TMEM156: variants seen among roughly 807,000 people sequenced by gnomAD.
The protein encoded by TMEM156 is transmembrane protein 156.
TMEM156 carries 28 observed loss-of-function variants against 30.5 expected under a neutral mutation model. The ratio of observed to expected loss-of-function variants is 0.92; its 90% CI spans 0.68 to 1.26. The LOEUF (loss-of-function observed/expected upper bound fraction) is 1.26, where lower values mean the gene tolerates loss of function less well. TMEM156 is among the 50% of genes most tolerant of loss of function. The pLI is 0.00. For missense variants in TMEM156, 351 were observed against 340.6 expected (o/e 1.03, Z -0.24); for synonymous variants, 137 against 119.9 (o/e 1.14, Z -0.93).
At chr4:39,003,363 T>C (rs924120489) in intron 1 of TMEM156, among the ~76,000 whole-genome samples, 5 of 152,148 alleles carry the variant, frequency 3.3e-5, no homozygotes, top group African/African-American at 7.2e-5. Context: ...AGATGGAGTT[T>C]TGCTCTTGTT....
At chr4:39,014,167 T>C (rs1477811688) in intron 1 of TMEM156, among the ~76,000 whole-genome samples, 2 of 152,240 alleles carry the variant, frequency 1.3e-5, no homozygotes, top group African/African-American at 2.4e-5. Context: ...GACCATAGTT[T>C]ACTGACCCCT....
chr4:38,974,079 GTGTGTA>G (rs750850516), intron 5 of TMEM156, among the ~76,000 whole-genome samples: 2 of 105,738 alleles, frequency 1.9e-5, no homozygotes, highest in Non-Finnish European at 4.1e-5. Context: ...GTGTGTGTGT[GTGTGTA>G]TGTGTGTGTG....
intron 2 of TMEM156, among the ~76,000 whole-genome samples, chr4:38,997,182 T>C (rs778494364): frequency 2.0e-5 from 3 of 152,208 alleles, no homozygotes; most frequent in Non-Finnish European, 2.9e-5. Flanking sequence ...TCTGTCATCA[T>C]AGAGGCATTT....
intron 4 of TMEM156, among the ~76,000 whole-genome samples, chr4:38,988,125 T>C (rs1712133178): frequency 6.6e-6 from 1 of 152,146 alleles, no homozygotes; most frequent in Admixed American, 6.5e-5. Flanking sequence ...TAATTTCCTT[T>C]AGCTCAGCCC....
At chr4:39,016,114 G>C (rs568367011) in intron 1 of TMEM156, among the ~76,000 whole-genome samples, 1 of 152,158 alleles carries the variant, frequency 6.6e-6, no homozygotes, top group Admixed American at 6.6e-5. Flanking sequence ...GGTGGCTCAC[G>C]CCTGTAATCC....
chr4:38,974,541 T>C (rs1448800561), intron 5 of TMEM156, among the ~76,000 whole-genome samples: 1 of 152,216 alleles, frequency 6.6e-6, no homozygotes, highest in African/African-American at 2.4e-5. Context: ...CTGTTACTTT[T>C]TGAAGGACAA....
intron 4 of TMEM156, among the ~76,000 whole-genome samples, chr4:38,986,858 C>T (rs1712037351): frequency 9.7e-6 from 1 of 102,678 alleles, no homozygotes. Flanking sequence ...AAAAGGAAAG[C>T]GACAGCTCTT....
chr4:39,025,588 T>A (rs1715153722), intron 1 of TMEM156, among the ~76,000 whole-genome samples: 1 of 152,144 alleles, frequency 6.6e-6, no homozygotes. Context: ...CCATTTGAAA[T>A]GTTTGCTGGA....
chr4:39,017,341 AT>A (rs1259413769), intron 1 of TMEM156, among the ~76,000 whole-genome samples: 3 of 149,294 alleles, frequency 2.0e-5, no homozygotes, highest in East Asian at 1.9e-4. Context: ...CGCCTGGCTA[AT>A]TTTTTTTGTA....
In TMEM156 at chr4:38,998,732, T is replaced by G. The variant is rs754316294; in HGVS notation, c.266A>C (p.Asp89Ala). Residue 89 changes from aspartate to alanine, a missense_variant, in exon 2 of 7, where the codon GAC becomes GCC. Transcript: ENST00000381938. Reference protein sequence around the residue: ...NFRNFTRTCQDITGEFKMCSS... With the variant: ...NFRNFTRTCQAITGEFKMCSS... ...GCACATTTTAAATTCACCTGTGATGTCTTGGCAAGTCCTGGTGAAGTTACG... is the reference window on the plus strand; with the variant it reads ...GCACATTTTAAATTCACCTGTGATGGCTTGGCAAGTCCTGGTGAAGTTACG... The G allele has an allele frequency of 1.9e-6, 3 of 1,613,930 alleles. No homozygotes were observed. The highest frequency in any genetic ancestry group is 4.5e-5 in the East Asian group (2 of 44,828).
intron 1 of TMEM156, among the ~76,000 whole-genome samples, chr4:39,007,372 G>A (rs1043563178): frequency 5.9e-5 from 9 of 152,184 alleles, no homozygotes; most frequent in South Asian, 4.2e-4. Context: ...GGAGAAGAAA[G>A]ATATGAAACT....
chr4:39,014,653 G>T (rs1714361381), intron 1 of TMEM156, among the ~76,000 whole-genome samples: 1 of 151,610 alleles, frequency 6.6e-6, no homozygotes. Flanking sequence ...AGCTACTCGG[G>T]AGGCTGAGGC....
At chr4:39,002,276 C>T (rs147257188) in intron 1 of TMEM156, among the ~76,000 whole-genome samples, 3,801 of 152,068 alleles carry the variant, frequency 0.025, 163 homozygotes, top group African/African-American at 0.085. Flanking sequence ...AAAAAACACA[C>T]GAAAAAATGT....
chr4:39,008,360 T>C (rs2566151), intron 1 of TMEM156, among the ~76,000 whole-genome samples: 18,782 of 152,172 alleles, frequency 0.12, 2,304 homozygotes, highest in African/African-American at 0.32. Flanking sequence ...CTTTCAACAA[T>C]TATTAAGATG....
intron 1 of TMEM156, among the ~76,000 whole-genome samples, chr4:39,016,175 T>C (rs915309412): frequency 6.6e-6 from 1 of 151,968 alleles, no homozygotes; most frequent in Non-Finnish European, 1.5e-5. Context: ...GAGATTAAGA[T>C]CAGCCTAGCC....
chr4:38,989,790 C>T (rs62294543), intron 3 of TMEM156, among the ~76,000 whole-genome samples: 3 of 124,736 alleles, frequency 2.4e-5, no homozygotes, highest in South Asian at 2.5e-4. Flanking sequence ...TTTATTTTAT[C>T]TTATTTTATT....
At chr4:39,009,267 C>T (rs958629234) in intron 1 of TMEM156, among the ~76,000 whole-genome samples, 4 of 152,010 alleles carry the variant, frequency 2.6e-5, no homozygotes, top group Admixed American at 6.6e-5. Context: ...AACCTACCAG[C>T]CCAGAACAGC....
intron 2 of TMEM156, 80 bp downstream of exon 2, chr4:38,998,560 T>C (rs938488960): frequency 9.0e-6 from 10 of 1,107,314 alleles, no homozygotes; most frequent in Non-Finnish European, 1.2e-5. Flanking sequence ...AAAAAAAGAA[T>C]ATATTATTAA....
chr4:38,974,055 G>A (rs1276063001), intron 5 of TMEM156, among the ~76,000 whole-genome samples: 2 of 68,164 alleles, frequency 2.9e-5, no homozygotes, highest in Non-Finnish European at 5.2e-5. Flanking sequence ...TCAGGAAGGA[G>A]TGCGTGTGTG....
Sources: gnomAD v4.1 joint callset for allele counts (sites outside exome capture counted in the v4.1 genomes callset) on GRCh38, gnomAD v4.1.1 for gene constraint, MANE v1.5 for transcripts, NCBI Gene and HGNC (gene_info 2026-07-23, HGNC 2026-07-21) for gene names.